The following PTPRK variants were observed in gnomAD, a reference collection of about 807,000 sequenced individuals.
PTPRK encodes the protein receptor-type tyrosine-protein phosphatase kappa.
In PTPRK, 75 loss-of-function variants were observed where a neutral mutation model predicts 178.0. That is an observed-to-expected ratio of 0.42 (90% CI 0.35 to 0.51). The LOEUF (loss-of-function observed/expected upper bound fraction) is 0.51, where lower values mean the gene tolerates loss of function less well. Ranked by LOEUF, PTPRK falls within the 20% of genes least tolerant of loss-of-function variation. The pLI is 0.02. For missense variants in PTPRK, 1,441 were observed against 1,797.8 expected (o/e 0.80, Z 3.59); for synonymous variants, 637 against 620.6 (o/e 1.03, Z -0.39).
intron 6 of PTPRK, among the ~76,000 whole-genome samples, chr6:128,218,142 A>G (rs1421083383): frequency 6.6e-6 from 1 of 152,152 alleles, no homozygotes; most frequent in Non-Finnish European, 1.5e-5. Context: ...CCATACCATG[A>G]CTTGATACTA....
chr6:128,322,016 A>G, intron 3 of PTPRK, 23 bp downstream of exon 3: 1 of 1,613,714 alleles, frequency 6.2e-7, no homozygotes, highest in East Asian at 2.2e-5. Context: ...CAAAACATAC[A>G]CCAGAAAAGT....
intron 1 of PTPRK, among the ~76,000 whole-genome samples, chr6:128,430,285 C>T (rs896398751): frequency 2.0e-5 from 3 of 152,038 alleles, no homozygotes; most frequent in Admixed American, 6.5e-5. Flanking sequence ...GTAGTTTCCT[C>T]GACTGTAAAT....
chr6:128,378,890 A>C (rs558309141), intron 2 of PTPRK, among the ~76,000 whole-genome samples: 1 of 152,220 alleles, frequency 6.6e-6, no homozygotes, highest in African/African-American at 2.4e-5. Context: ...TGCAAAGTTC[A>C]AGTAAGATTG....
At chr6:128,365,984 C>T (rs1835425052) in intron 2 of PTPRK, among the ~76,000 whole-genome samples, 1 of 152,098 alleles carries the variant, frequency 6.6e-6, no homozygotes, top group Non-Finnish European at 1.5e-5. Flanking sequence ...TAGGTGACAA[C>T]TGAGCCAGAT....
At chr6:128,068,986 G>C (rs1397833823) in intron 11 of PTPRK, among the ~76,000 whole-genome samples, 1 of 150,804 alleles carries the variant, frequency 6.6e-6, no homozygotes, top group Non-Finnish European at 1.5e-5. Context: ...AGAGAGAGGA[G>C]AGAGAGAGAT....
chr6:128,223,430 G>A (rs1810757342), intron 5 of PTPRK, among the ~76,000 whole-genome samples: 1 of 151,870 alleles, frequency 6.6e-6, no homozygotes, highest in Non-Finnish European at 1.5e-5. Flanking sequence ...AACTCAGAGA[G>A]GCTGAGGGGT....
intron 2 of PTPRK, among the ~76,000 whole-genome samples, chr6:128,341,026 T>A (rs57546390): frequency 0.044 from 6,761 of 152,210 alleles, 413 homozygotes; most frequent in East Asian, 0.32. Context: ...ATGTACAAAA[T>A]CAGGAACTGC....
chr6:128,085,608 C>T (rs1406347077), intron 8 of PTPRK, among the ~76,000 whole-genome samples: 7 of 152,052 alleles, frequency 4.6e-5, no homozygotes, highest in Non-Finnish European at 5.9e-5. Context: ...TTTATTTTAT[C>T]GAACATCGTT....
intron 7 of PTPRK, among the ~76,000 whole-genome samples, chr6:128,166,090 T>C (rs1308290704): frequency 1.3e-5 from 2 of 151,522 alleles, no homozygotes; most frequent in Non-Finnish European, 3.0e-5. Context: ...GACACAGCTT[T>C]TAGAAAGTCA....
At chr6:127,995,380 C>A (rs953701508) in intron 18 of PTPRK, 82 bp downstream of exon 18, 59 of 1,500,840 alleles carry the variant, frequency 3.9e-5, no homozygotes, top group Admixed American at 8.5e-5. Context: ...AAAAAGCTAG[C>A]AATCACTTTA....
At chr6:128,295,804 T>C (rs1485360380) in intron 3 of PTPRK, among the ~76,000 whole-genome samples, 2 of 152,236 alleles carry the variant, frequency 1.3e-5, no homozygotes, top group African/African-American at 4.8e-5. Flanking sequence ...ACAGGACATA[T>C]GCAGAGCTAA....
chr6:128,396,958 A>C (rs527814213), intron 2 of PTPRK, among the ~76,000 whole-genome samples: 1 of 152,202 alleles, frequency 6.6e-6, no homozygotes, highest in Non-Finnish European at 1.5e-5. Flanking sequence ...AGATCAGGCC[A>C]CTGCATTCCA....
chr6:128,221,221 C>T (rs147015684), intron 5 of PTPRK, among the ~76,000 whole-genome samples: 4 of 152,106 alleles, frequency 2.6e-5, no homozygotes, highest in African/African-American at 9.6e-5. Flanking sequence ...TACTCTATTG[C>T]TTTAATAATT....
intron 8 of PTPRK, among the ~76,000 whole-genome samples, chr6:128,084,542 A>G (rs563044063): frequency 3.3e-5 from 5 of 152,320 alleles, no homozygotes; most frequent in African/African-American, 1.2e-4. Context: ...GATCTGCACA[A>G]CTACTTTGGA....
chr6:128,459,448 A>G (rs1465062535), intron 1 of PTPRK, among the ~76,000 whole-genome samples: 2 of 152,206 alleles, frequency 1.3e-5, no homozygotes, highest in Non-Finnish European at 2.9e-5. Context: ...TGGATCACCT[A>G]TGAATTCTGA....
At chr6:128,360,758 C>G (rs1834629136) in intron 2 of PTPRK, among the ~76,000 whole-genome samples, 1 of 152,052 alleles carries the variant, frequency 6.6e-6, no homozygotes, top group Non-Finnish European at 1.5e-5. Context: ...AGCTAGGAAA[C>G]TAAAAAGTGT....
intron 2 of PTPRK, among the ~76,000 whole-genome samples, chr6:128,328,515 T>C (rs1308677371): frequency 6.6e-6 from 1 of 152,106 alleles, no homozygotes; most frequent in Non-Finnish European, 1.5e-5. Flanking sequence ...CAAATGAAAC[T>C]AGTTTATGCT....
intron 3 of PTPRK, among the ~76,000 whole-genome samples, chr6:128,251,176 A>C: frequency 6.6e-6 from 1 of 152,194 alleles, no homozygotes; most frequent in African/African-American, 2.4e-5. Flanking sequence ...ACCTGCAATC[A>C]CAAAAAGATA....
intron 7 of PTPRK, among the ~76,000 whole-genome samples, chr6:128,115,172 C>A (rs1300305540): frequency 2.0e-5 from 3 of 152,170 alleles, no homozygotes; most frequent in East Asian, 3.9e-4. Context: ...CAAAATCATA[C>A]AGGTCTCCAG....
Sources: allele counts gnomAD v4.1 joint callset (sites outside exome capture counted in the v4.1 genomes callset), GRCh38; gene constraint gnomAD v4.1.1; transcripts MANE v1.5; gene names NCBI Gene and HGNC (gene_info 2026-07-23, HGNC 2026-07-21).